GOLGA1: variants seen among roughly 807,000 people sequenced by gnomAD.
GOLGA1 encodes golgin subfamily A member 1.
Under a neutral mutation model 119.7 loss-of-function variants are expected in GOLGA1, and 63 were observed. That is an observed-to-expected ratio of 0.53 (90% confidence interval 0.43 to 0.65). The LOEUF (loss-of-function observed/expected upper bound fraction) is 0.65, where lower values mean the gene tolerates loss of function less well. Ranked by LOEUF, GOLGA1 falls within the 30% of genes least tolerant of loss-of-function variation. The pLI is 0.00. For missense variants in GOLGA1, 798 were observed against 912.8 expected, an observed-to-expected ratio of 0.87 and a Z score of 1.62; for synonymous variants, 318 against 333.4, an observed-to-expected ratio of 0.95 and a Z score of 0.50.
chr9:124,900,274 T>G (rs2131410768), intron 13 of GOLGA1, 178 bp downstream of exon 13: 1 of 458,368 alleles, frequency 2.2e-6, no homozygotes. Flanking sequence ...AGGCCCACCA[T>G]TAGGTCCTGA....
rs5900631 is a variant in GOLGA1 at position 124,916,101 on chromosome 9, C to CTAAATAAATAAATAAA, written c.844-4091_844-4076dup. ...TGGGCAACAGAGCAAGACTGTATCT[C>CTAAATAAATAAATAAA]TAAATAAATAAATAAATAAATAAAT... On this transcript the variant is annotated intron_variant, in intron 10 of 22. Coordinates refer to ENST00000373555, the MANE Select transcript of GOLGA1 (RefSeq NM_002077.4). Among the ~76,000 whole-genome samples the CTAAATAAATAAATAAA allele has an allele frequency of 9.5e-3, 1,377 of 144,302 alleles. 21 individuals are homozygous for CTAAATAAATAAATAAA. Among genetic ancestry groups the CTAAATAAATAAATAAA allele is most frequent in the East Asian group, 0.068 (329 of 4,836 alleles). The allele number at this position is 144,302 out of a possible 152,430, so 94.7% of individuals were successfully genotyped here.
In GOLGA1 at chr9:124,888,136, G is replaced by A; in HGVS notation, c.1905+117C>T. On this transcript the variant is annotated intron_variant, in intron 19 of 22. Transcript: ENST00000373555. This position sits in a 1 kb window ranked among gnomAD's most constrained non-coding sequence, Gnocchi z 4.4. ...AAGGCCTTTGGGTGAGAGGGGTCAT[G>A]GTTGCCAGGAGGTGCGGGGGAAACC... is the stretch of plus-strand genomic sequence containing the variant. 1.1e-6 allele frequency: 1 copy of A among 903,346 alleles called. No homozygotes were observed. Among genetic ancestry groups the A allele is most frequent in the Non-Finnish European group, 1.8e-6 (1 of 556,414 alleles). 56.0% of individuals were successfully genotyped at this position (903,346 alleles called of 1,614,324 possible).
At position 124,883,258 on chromosome 9, in the gene GOLGA1, G is replaced by A. The variant is rs2900226; in HGVS notation, c.1906-689C>T. On this transcript the variant is annotated intron_variant, in intron 19 of 22. Coordinates refer to ENST00000373555, the MANE Select transcript of GOLGA1 (RefSeq NM_002077.4). ...ATTACAGGCACACACCACCATGCCC[G>A]ACTCATTTTTGTCTTTTTCTTCTTC... Among the ~76,000 whole-genome samples, 7 of 149,094 alleles carry A rather than the reference G, an allele frequency of 4.7e-5. No homozygotes were observed. The South Asian group carries it at 6.4e-4, about 14-fold the overall frequency.
At chr9:124,886,041 C>G (rs1440232038) in intron 19 of GOLGA1, among the ~76,000 whole-genome samples, 5 of 152,210 alleles carry the variant, frequency 3.3e-5, no homozygotes, top group African/African-American at 1.2e-4. Context: ...GCAGATAGGA[C>G]AACTCCAAGG....
chr9:124,903,528 G>C (rs1451643297), intron 12 of GOLGA1, among the ~76,000 whole-genome samples: 1 of 151,490 alleles, frequency 6.6e-6, no homozygotes, highest in Non-Finnish European at 1.5e-5. Context: ...CTTACAGAAC[G>C]GGGGCTCGTG....
chr9:124,919,132 C>T lies in GOLGA1; in HGVS notation c.843+1997G>A, dbSNP rs139018747. Among the ~76,000 whole-genome samples, 425 of 152,040 alleles carry T rather than the reference C, an allele frequency of 2.8e-3. 3 individuals are homozygous for T. Among genetic ancestry groups the T allele is most frequent in the African/African-American group, 9.7e-3 (401 of 41,484 alleles). On this transcript the variant is annotated intron_variant, in intron 10 of 22. Transcript: ENST00000373555. Reference sequence around the variant, plus strand: ...ATTAGCCTGTTGTAGTGGCATGTGTCTGTAGTCCCAGCTATTTGGGAGGCT... The same window carrying T: ...ATTAGCCTGTTGTAGTGGCATGTGTTTGTAGTCCCAGCTATTTGGGAGGCT...
chr9:124,880,802 G>C (rs2241923), intron 22 of GOLGA1, among the ~76,000 whole-genome samples, 192 bp from the exon 23 acceptor site: 55,995 of 151,988 alleles, frequency 0.37, 10,681 homozygotes, highest in Admixed American at 0.48. Flanking sequence ...AGGGAAATGA[G>C]AGAAAAACAC....
At chr9:124,935,011 C>T (rs1312570990) in intron 3 of GOLGA1, among the ~76,000 whole-genome samples, 1 of 152,066 alleles carries the variant, frequency 6.6e-6, no homozygotes, top group Non-Finnish European at 1.5e-5. Context: ...CGGGCCACTG[C>T]ACTCCAGCCT....
At chr9:124,910,436 G>A (rs1485238979) in intron 11 of GOLGA1, among the ~76,000 whole-genome samples, 2 of 152,126 alleles carry the variant, frequency 1.3e-5, no homozygotes, top group African/African-American at 4.8e-5. Flanking sequence ...AATGATGATG[G>A]CACAATAATA....
At chr9:124,908,058 T>A (rs951432659) in intron 12 of GOLGA1, among the ~76,000 whole-genome samples, 1 of 152,206 alleles carries the variant, frequency 6.6e-6, no homozygotes, top group Non-Finnish European at 1.5e-5. Flanking sequence ...CATAGCTGCA[T>A]CATTTACAGA....
At chr9:124,941,930 A>G (rs1417983199), upstream of GOLGA1, among the ~76,000 whole-genome samples, 3 of 152,082 alleles carry the variant, frequency 2.0e-5, no homozygotes, top group East Asian at 1.9e-4. Context: ...ATAAATAGCA[A>G]TCATGCAGGC....
At chr9:124,890,947 G>A (rs1029865093) in intron 15 of GOLGA1, among the ~76,000 whole-genome samples, 4 of 152,124 alleles carry the variant, frequency 2.6e-5, no homozygotes, top group African/African-American at 9.7e-5. Context: ...TTGAACCCAG[G>A]AGTTCAAGGC....
intron 15 of GOLGA1, among the ~76,000 whole-genome samples, chr9:124,895,386 C>T (rs941643580): frequency 6.8e-6 from 1 of 147,628 alleles, no homozygotes; most frequent in African/African-American, 2.5e-5. Context: ...GAGAACCCTC[C>T]ACAACAGAGA....
chr9:124,940,594 C>A (rs1261589313), intron 1 of GOLGA1, among the ~76,000 whole-genome samples: 12 of 152,212 alleles, frequency 7.9e-5, no homozygotes, highest in Non-Finnish European at 1.3e-4. Flanking sequence ...GATGTCTAAC[C>A]CCCAGGGAGG....
chr9:124,938,919 G>A (rs567037157), intron 2 of GOLGA1, 53 bp from the exon 3 acceptor site: 12 of 461,200 alleles, frequency 2.6e-5, no homozygotes, highest in East Asian at 7.1e-5. Context: ...GAAAGATTTC[G>A]CATCTGAGTT....
chr9:124,900,657 T>C (rs1415983605), intron 12 of GOLGA1, 110 bp from the exon 13 acceptor site: 4 of 545,446 alleles, frequency 7.3e-6, no homozygotes, highest in Non-Finnish European at 1.3e-5. Context: ...TATAGAAAAA[T>C]GTAACCTGAG....
At chr9:124,917,379 A>T (rs1830468714) in intron 10 of GOLGA1, among the ~76,000 whole-genome samples, 2 of 152,178 alleles carry the variant, frequency 1.3e-5, no homozygotes, top group Non-Finnish European at 1.5e-5. Context: ...ACAAATTCCA[A>T]ATTTACAATC....
intron 20 of GOLGA1, 64 bp from the exon 21 acceptor site, chr9:124,882,018 G>A: frequency 1.6e-6 from 2 of 1,245,840 alleles, no homozygotes; most frequent in Non-Finnish European, 2.3e-6. Flanking sequence ...AAATCACACG[G>A]GAGGTTCACC....
At chr9:124,939,665 C>T (rs921500523) in intron 2 of GOLGA1, among the ~76,000 whole-genome samples, 1 of 144,420 alleles carries the variant, frequency 6.9e-6, no homozygotes. Flanking sequence ...TGGGTTCAAG[C>T]GATTCTCCTG....
Sources: gnomAD v4.1 joint callset for allele counts (sites outside exome capture counted in the v4.1 genomes callset) on GRCh38, gnomAD v4.1.1 for gene constraint, Gnocchi (gnomAD v3.1) non-coding constraint, MANE v1.5 for transcripts, NCBI Gene and HGNC (gene_info 2026-07-23, HGNC 2026-07-21) for gene names.